The following CLSTN1 variants were observed in gnomAD, a reference collection of about 807,000 sequenced individuals.
CLSTN1 encodes calsyntenin 1.
CLSTN1 carries 28 observed loss-of-function variants against 108.3 expected under a neutral mutation model. The observed-to-expected ratio is 0.26, with a 90% CI of 0.19 to 0.35. The LOEUF (loss-of-function observed/expected upper bound fraction) is 0.35. Among genes scored for constraint, CLSTN1 ranks in the 10% least tolerant of loss-of-function variants. The pLI is 1.00. For synonymous variants in CLSTN1, 524 were observed against 534.9 expected, an observed-to-expected ratio of 0.98 and a Z score of 0.28; for missense variants, 1,157 against 1,302.6, an observed-to-expected ratio of 0.89 and a Z score of 1.72.
In CLSTN1 at chr1:9,773,412, G is replaced by GA. The variant is rs555849874; in HGVS notation, c.92-19dup. 435 of 1,572,528 alleles carry GA rather than the reference G, an allele frequency of 2.8e-4. 2 individuals are homozygous for GA. In the African/African-American group the frequency reaches 4.9e-3, roughly 18 times the overall value. On this transcript the variant is annotated intron_variant, in intron 1 of 18. Coordinates refer to ENST00000377298, the MANE Select transcript of CLSTN1 (RefSeq NM_001009566.3). Reference sequence around the variant, plus strand: ...CTTGTTAACTGTGTTTAAAACAAGAGAAAAAAATAGACAAGGTTAGAAATA... The same window carrying GA: ...CTTGTTAACTGTGTTTAAAACAAGAGAAAAAAAATAGACAAGGTTAGAAATA...
At chr1:9,818,971 T>C (rs865775689) in intron 1 of CLSTN1, among the ~76,000 whole-genome samples, 6 of 150,112 alleles carry the variant, frequency 4.0e-5, no homozygotes, top group Non-Finnish European at 7.4e-5. Context: ...TATTTTTTTT[T>C]AGTAGAGACA....
In CLSTN1 at chr1:9,744,635, C is replaced by G. The variant is rs7550295; in HGVS notation, c.994G>C (p.Ala332Pro). Residue 332 changes from alanine (A) to proline (P), a missense_variant, in exon 8 of 19, where the codon GCG (alanine) becomes CCG (proline). Ala to Pro is a conservative substitution (Grantham distance 27). Transcript: ENST00000377298. ...GATGGCAGCAGCTCGGCAGTGCCCG[C>G]GGCCGCACCTGAAGCCACAGTGCTC... is the stretch of plus-strand genomic sequence containing the variant. ...KSLHRLCGAA[A>P]GTAELLPSPS... 1 of 1,608,534 alleles carries G rather than the reference C, an allele frequency of 6.2e-7. No homozygotes were observed. Among genetic ancestry groups the G allele is most frequent in the Non-Finnish European group, 8.5e-7 (1 of 1,179,192 alleles).
At chr1:9,800,729 C>CA (rs58741058) in intron 1 of CLSTN1, among the ~76,000 whole-genome samples, 252 of 118,954 alleles carry the variant, frequency 2.1e-3, no homozygotes, top group African/African-American at 6.4e-3. Flanking sequence ...GATTCCATCT[C>CA]AAAAAAAAAA....
Position 9,823,573 on chromosome 1 carries a change from G to T in CLSTN1, c.91+70C>A. 9.6e-7 allele frequency: 1 copy of T among 1,046,314 alleles called. No homozygotes were observed. The highest frequency in any genetic ancestry group is 1.2e-6 in the Non-Finnish European group (1 of 836,498). The allele number at this position is 1,046,314 out of a possible 1,614,324, so 64.8% of individuals were successfully genotyped here. ...CACCCGGACCCGAATCCCCGCACCGGGACCCGAATCCTGCACCCGGACCCG... is the reference window on the plus strand; with the variant it reads ...CACCCGGACCCGAATCCCCGCACCGTGACCCGAATCCTGCACCCGGACCCG... On this transcript the variant is annotated intron_variant, in intron 1 of 18. Coordinates refer to ENST00000377298, the MANE Select transcript of CLSTN1 (RefSeq NM_001009566.3). This position sits in a 1 kb window ranked among gnomAD's most constrained non-coding sequence, Gnocchi z 6.3.
In CLSTN1 at chr1:9,734,047, G is replaced by A. The variant is rs1650550754; in HGVS notation, c.2206C>T (p.Leu736=). ...TGCAGGCGGGCCATGTCCACCTCCA[G>A]GCTCTCCTGCTCGTGGTTCAGCTCC... ...GEELNHEQES[L]EVDMARLQQK... Residue 736 remains leucine (L), a synonymous_variant, in exon 15 of 19, where the codon CTG becomes TTG. Coordinates refer to ENST00000377298, the MANE Select transcript of CLSTN1 (RefSeq NM_001009566.3). The surrounding 1 kb of genome is among the most constrained non-coding windows in gnomAD (Gnocchi z 4.8). 2 of 1,614,190 alleles carry A rather than the reference G, an allele frequency of 1.2e-6. No homozygotes were observed. Among genetic ancestry groups the A allele is most frequent in the Non-Finnish European group, 1.7e-6 (2 of 1,180,044 alleles).
chr1:9,810,042 G>A (rs1326782953), intron 1 of CLSTN1, among the ~76,000 whole-genome samples: 1 of 133,798 alleles, frequency 7.5e-6, no homozygotes, highest in African/African-American at 2.9e-5. Flanking sequence ...CTGAGAAAGA[G>A]AGAGAGAGAA....
At chr1:9,801,312 T>G (rs1654253463) in intron 1 of CLSTN1, among the ~76,000 whole-genome samples, 1 of 152,062 alleles carries the variant, frequency 6.6e-6, no homozygotes, top group South Asian at 2.1e-4. Flanking sequence ...CTAGATGAAA[T>G]TTATCAATTC....
In CLSTN1 at chr1:9,755,232, C is replaced by T. The variant is rs748558238; in HGVS notation, c.322G>A (p.Gly108Arg). The change falls in exon 4 of 19, where the codon GGA (glycine) becomes AGA (arginine). Residue 108 changes from glycine to arginine, a missense_variant. Gly to Arg is a moderately radical substitution (Grantham distance 125, BLOSUM62 -2). Transcript: ENST00000377298. ...AVVVDKSTGE[G>R]VIRSKEKLDC... ...AGTTTCTCTTTGGAGCGAATGACTC[C>T]CTCACCAGTGGATTTATCCACTACC... The T allele has an allele frequency of 7.5e-5, 121 of 1,613,924 alleles. No individual in the cohort carries two copies. Among genetic ancestry groups the T allele is most frequent in the Non-Finnish European group, 9.4e-5 (111 of 1,179,968 alleles).
chr1:9,766,018 T>C (rs1652312725), intron 2 of CLSTN1, among the ~76,000 whole-genome samples: 1 of 152,120 alleles, frequency 6.6e-6, no homozygotes. Context: ...GGCATGTGAA[T>C]CACATTCATA....
Position 9,741,260 on chromosome 1 carries a change from C to T in CLSTN1, c.1357-4G>A, listed in dbSNP as rs773866850. ...GGTGCCATTCCTCATCACAGACCTA[C>T]AGAGGCAAAGGGAAGCGGGGAGGTG... On this transcript the variant is annotated splice_region_variant and splice_polypyrimidine_tract_variant and intron_variant, in intron 9 of 18. Coordinates refer to ENST00000377298, the MANE Select transcript of CLSTN1 (RefSeq NM_001009566.3). 2.6e-5 allele frequency: 41 copies of T among 1,602,820 alleles called. No homozygotes were observed. Among genetic ancestry groups the T allele is most frequent in the Non-Finnish European group, 3.4e-5 (40 of 1,170,630 alleles).
chr1:9,807,437 CA>C (rs1479117391), intron 1 of CLSTN1, among the ~76,000 whole-genome samples: 6 of 152,178 alleles, frequency 3.9e-5, no homozygotes, highest in Non-Finnish European at 1.5e-5. Context: ...GGAGTTACAT[CA>C]AATACATTTT....
intron 2 of CLSTN1, among the ~76,000 whole-genome samples, chr1:9,762,578 C>T (rs1030538825): frequency 5.3e-5 from 8 of 150,174 alleles, no homozygotes; most frequent in African/African-American, 1.2e-4. Context: ...CCTTGGTGCC[C>T]GCACTCAACG....
chr1:9,823,688 G>A lies in CLSTN1; in HGVS notation c.46C>T (p.Leu16=). Reference sequence around the variant, plus strand: ...CCGCCGCACAGCAGCCCGGCCAGCAGCAGCCGGGCGGCCGGGGCCAGCGCG... The same window carrying A: ...CCGCCGCACAGCAGCCCGGCCAGCAACAGCCGGGCGGCCGGGGCCAGCGCG... ...APALAPAARL[L]LAGLLCGGGV... is the part of the protein sequence containing the mutation. The change falls in exon 1 of 19, where the codon CTG becomes TTG. Residue 16 remains leucine, a synonymous_variant. Transcript: ENST00000377298. This position sits in a 1 kb window ranked among gnomAD's most constrained non-coding sequence, Gnocchi z 6.3. 8.7e-7 allele frequency: 1 copy of A among 1,154,812 alleles called. No individual in the cohort carries two copies. The highest frequency in any genetic ancestry group is 1.1e-6 in the Non-Finnish European group (1 of 938,198). 71.5% of individuals were successfully genotyped at this position (1,154,812 alleles called of 1,614,324 possible).
intron 1 of CLSTN1, among the ~76,000 whole-genome samples, chr1:9,811,679 C>A (rs1654760393): frequency 6.9e-6 from 1 of 144,506 alleles, no homozygotes; most frequent in Non-Finnish European, 1.5e-5. Flanking sequence ...AAATTCAAGT[C>A]AGTGTGTTTT....
At chr1:9,774,331 T>G (rs936765821) in intron 1 of CLSTN1, among the ~76,000 whole-genome samples, 1 of 152,050 alleles carries the variant, frequency 6.6e-6, no homozygotes, top group African/African-American at 2.4e-5. Context: ...TTTGGGAGGC[T>G]GACGAGGGCG....
chr1:9,791,941 G>A (rs946682426), intron 1 of CLSTN1, among the ~76,000 whole-genome samples: 3 of 151,142 alleles, frequency 2.0e-5, no homozygotes, highest in Non-Finnish European at 2.9e-5. Context: ...CTGAGGTCAG[G>A]AGTTCCAGAC....
chr1:9,817,909 C>G (rs1215873913), intron 1 of CLSTN1, among the ~76,000 whole-genome samples: 1 of 151,646 alleles, frequency 6.6e-6, no homozygotes, highest in Non-Finnish European at 1.5e-5. Context: ...GTATGTCAGG[C>G]TGACACAGTG....
At chr1:9,783,004 C>T (rs1653320878) in intron 1 of CLSTN1, among the ~76,000 whole-genome samples, 1 of 152,070 alleles carries the variant, frequency 6.6e-6, no homozygotes, top group African/African-American at 2.4e-5. Flanking sequence ...GAGACTCCAT[C>T]TCAAAAAGAA....
chr1:9,731,080 C>G (rs1327268007), intron 18 of CLSTN1, 126 bp downstream of exon 18: 2 of 1,157,298 alleles, frequency 1.7e-6, no homozygotes, highest in Non-Finnish European at 2.6e-6. Flanking sequence ...CACCTAAGCC[C>G]CAGGCTTGCT....
Sources: gnomAD v4.1 joint callset for allele counts (sites outside exome capture counted in the v4.1 genomes callset) on GRCh38, gnomAD v4.1.1 for gene constraint, Gnocchi (gnomAD v3.1) non-coding constraint, MANE v1.5 for transcripts, NCBI Gene and HGNC (gene_info 2026-07-23, HGNC 2026-07-21) for gene names.